The following SLC39A12 variants were observed in gnomAD, a reference collection of about 807,000 sequenced individuals.
SLC39A12 encodes the protein zinc transporter ZIP12.
SLC39A12 carries 63 observed loss-of-function variants against 71.1 expected under a neutral mutation model. The ratio of observed to expected loss-of-function variants is 0.89; its 90% CI spans 0.72 to 1.09. The LOEUF (loss-of-function observed/expected upper bound fraction) is 1.09, where lower values mean the gene tolerates loss of function less well. Ranked by LOEUF, SLC39A12 falls within the 50% of genes least tolerant of loss-of-function variation. SLC39A12 has a pLI of 0.00. For missense variants in SLC39A12, 892 were observed against 812.6 expected, an observed-to-expected ratio of 1.10 and a Z score of -1.19; for synonymous variants, 351 against 301.3, an observed-to-expected ratio of 1.16 and a Z score of -1.71.
chr10:18,034,786 C>T (rs1300302519), intron 12 of SLC39A12, among the ~76,000 whole-genome samples: 28 of 149,922 alleles, frequency 1.9e-4, no homozygotes, highest in South Asian at 2.2e-4. Context: ...CGGCTGGTAC[C>T]GGTTGTTCCT....
intron 8 of SLC39A12, among the ~76,000 whole-genome samples, chr10:17,991,641 C>T (rs1835550258): frequency 6.6e-6 from 1 of 151,574 alleles, no homozygotes; most frequent in African/African-American, 2.4e-5. Context: ...AATAAGCAAA[C>T]AAAAACTTTG....
intron 12 of SLC39A12, among the ~76,000 whole-genome samples, chr10:18,041,048 A>G (rs563790070): frequency 6.6e-6 from 1 of 152,270 alleles, no homozygotes; most frequent in East Asian, 1.9e-4. Context: ...CAAAATGGCA[A>G]GATTGAGTTA....
At chr10:17,986,408 G>T (rs1384128424) in intron 6 of SLC39A12, among the ~76,000 whole-genome samples, 1 of 152,170 alleles carries the variant, frequency 6.6e-6, no homozygotes, top group African/African-American at 2.4e-5. Flanking sequence ...CACAGTTCTG[G>T]AGGTTGGGAA....
At chr10:17,994,086 G>A (rs1340565888) in intron 9 of SLC39A12, among the ~76,000 whole-genome samples, 1 of 152,092 alleles carries the variant, frequency 6.6e-6, no homozygotes, top group African/African-American at 2.4e-5. Context: ...TTTAAAATAC[G>A]ATTTTAAGAG....
At chr10:18,006,976 C>A (rs147197792) in intron 12 of SLC39A12, among the ~76,000 whole-genome samples, 2 of 152,134 alleles carry the variant, frequency 1.3e-5, no homozygotes, top group Admixed American at 6.5e-5. Context: ...AAATAGCACA[C>A]GTGTGATGTC....
At chr10:17,963,358 G>A (rs1189224833) in intron 3 of SLC39A12, among the ~76,000 whole-genome samples, 5 of 152,168 alleles carry the variant, frequency 3.3e-5, no homozygotes, top group African/African-American at 1.2e-4. Context: ...GCACTTAAAA[G>A]CACTTAAAAG....
rs1554848429 is a variant in SLC39A12 at position 17,961,776 on chromosome 10, G to T, written c.457G>T (p.Asp153Tyr). ...ACACAGCCTACTGAGCCTCAGGCAG[G>T]ATGAAGATTCCTCTTTCCTTTCACA... The part of the protein sequence containing the change: ...YLHSLLSLRQ[D>Y]EDSSFLSQNE... Residue 153 changes from aspartate to tyrosine, a missense_variant, in exon 3 of 13, where the codon GAT becomes TAT. Coordinates refer to ENST00000377369, the MANE Select transcript of SLC39A12 (RefSeq NM_001145195.2). The T allele has an allele frequency of 1.9e-6, 3 of 1,614,090 alleles. No homozygotes were observed. The highest frequency in any genetic ancestry group is 2.5e-6 in the Non-Finnish European group (3 of 1,179,990).
intron 6 of SLC39A12, among the ~76,000 whole-genome samples, chr10:17,983,636 G>T (rs1358753362): frequency 1.3e-5 from 2 of 152,006 alleles, no homozygotes; most frequent in African/African-American, 4.8e-5. Context: ...ACAAAAATTA[G>T]CTGAGTATGC....
At position 17,971,952 on chromosome 10, in the gene SLC39A12, C is replaced by T. The variant is rs112743734; in HGVS notation, c.752-5950C>T. The stretch of plus-strand genomic sequence containing the variant: ...TGTTAATTTGAAATCTCCTCTTTTT[C>T]GATGTAGGCACTTATAGCTATAAAC... On this transcript the variant is annotated intron_variant, in intron 4 of 12. Coordinates refer to ENST00000377369, the MANE Select transcript of SLC39A12 (RefSeq NM_001145195.2). 3.3e-3 allele frequency among the ~76,000 whole-genome samples: 496 copies of T among 152,050 alleles called. 3 individuals carry two copies. Among genetic ancestry groups the T allele is most frequent in the African/African-American group, 0.011 (446 of 41,532 alleles).
chr10:17,993,489 C>T (rs1328421083), intron 9 of SLC39A12, among the ~76,000 whole-genome samples, 198 bp downstream of exon 9: 1 of 152,240 alleles, frequency 6.6e-6, no homozygotes, highest in Non-Finnish European at 1.5e-5. Flanking sequence ...GCACCCTCCA[C>T]AGATTCACGT....
chr10:17,953,200 T>G lies in SLC39A12; in HGVS notation c.-77T>G. On this transcript the variant is annotated 5_prime_UTR_variant, in exon 2 of 13. Coordinates refer to ENST00000377369, the MANE Select transcript of SLC39A12 (RefSeq NM_001145195.2). ...TTCCCCTTTACCACAGAAATTCCTT[T>G]GGTTACAAGTTTACCCCATAAACGG... 6.6e-7 allele frequency: 1 copy of G among 1,511,458 alleles called. No homozygotes were observed. The highest frequency in any genetic ancestry group is 8.9e-7 in the Non-Finnish European group (1 of 1,124,020). 93.6% of individuals were successfully genotyped at this position (1,511,458 alleles called of 1,614,324 possible).
chr10:18,024,829 A>G (rs1836629508), intron 12 of SLC39A12, among the ~76,000 whole-genome samples: 1 of 152,180 alleles, frequency 6.6e-6, no homozygotes, highest in Non-Finnish European at 1.5e-5. Context: ...GTTTTCCTGG[A>G]GTATTAAATC....
intron 10 of SLC39A12, 50 bp downstream of exon 10, chr10:17,995,772 T>A: frequency 1.4e-6 from 2 of 1,470,524 alleles, no homozygotes; most frequent in Non-Finnish European, 1.9e-6. Context: ...AGAAAAACAG[T>A]TATGTCTGTT....
chr10:18,013,829 G>A (rs1836302044), intron 12 of SLC39A12, among the ~76,000 whole-genome samples: 2 of 152,072 alleles, frequency 1.3e-5, no homozygotes, highest in African/African-American at 4.8e-5. Context: ...TGGTCTATAT[G>A]GCTGTCTGTA....
rs754301946 is a variant in SLC39A12 at position 18,041,757 on chromosome 10, G to GTATACATATGTATACATATGTA, written c.1948-936_1948-915dup. The stretch of plus-strand genomic sequence containing the variant: ...TATATGTATATACATGTATATATGT[G>GTATACATATGTATACATATGTA]TATACATATGTATACATATGTATAT... On this transcript the variant is annotated intron_variant, in intron 12 of 12. Transcript: ENST00000377369. Among the ~76,000 whole-genome samples the GTATACATATGTATACATATGTA allele has an allele frequency of 1.5e-3, 187 of 121,116 alleles. 11 individuals are homozygous for GTATACATATGTATACATATGTA. Among genetic ancestry groups the GTATACATATGTATACATATGTA allele is most frequent in the Non-Finnish European group, 2.5e-3 (134 of 52,908 alleles). 79.5% of individuals were successfully genotyped at this position (121,116 alleles called of 152,430 possible).
At chr10:17,987,149 C>G (rs148604013) in intron 6 of SLC39A12, among the ~76,000 whole-genome samples, 1 of 151,898 alleles carries the variant, frequency 6.6e-6, no homozygotes, top group Non-Finnish European at 1.5e-5. Context: ...GGGAACATGA[C>G]GAAACCCCAT....
At chr10:17,981,800 A>G (rs1835266859) in intron 6 of SLC39A12, among the ~76,000 whole-genome samples, 1 of 152,136 alleles carries the variant, frequency 6.6e-6, no homozygotes. Context: ...TTCAATGAAT[A>G]TTTTATATTT....
At chr10:18,007,345 A>G (rs1480181600) in intron 12 of SLC39A12, 2 of 152,220 alleles carry the variant, frequency 1.3e-5, no homozygotes, top group African/African-American at 4.8e-5. Context: ...GTTACCAGGC[A>G]TCAAGAAGCA....
intron 6 of SLC39A12, among the ~76,000 whole-genome samples, chr10:17,982,463 AGAG>A (rs763104860): frequency 0.059 from 6,684 of 113,808 alleles, 228 homozygotes; most frequent in South Asian, 0.1. Flanking sequence ...TCTCTTTGAG[AGAG>A]CCTGCAATAG....
Sources: allele counts gnomAD v4.1 joint callset (sites outside exome capture counted in the v4.1 genomes callset), GRCh38; gene constraint gnomAD v4.1.1; transcripts MANE v1.5; gene names NCBI Gene and HGNC (gene_info 2026-07-23, HGNC 2026-07-21).